Variants in MED13L observed in about 807,000 individuals in gnomAD.
MED13L encodes mediator of RNA polymerase II transcription subunit 13-like.
A neutral mutation model predicts 220.9 loss-of-function variants in MED13L; 7 were observed. The ratio of observed to expected loss-of-function variants is 0.03; its 90% CI spans 0.02 to 0.06. The LOEUF (loss-of-function observed/expected upper bound fraction) is 0.06, where lower values mean the gene tolerates loss of function less well. Ranked by LOEUF, MED13L falls within the 10% of genes least tolerant of loss-of-function variation. The pLI is 1.00. For synonymous variants in MED13L, 1,011 were observed against 1,015.2 expected (o/e 1.00, Z 0.08); for missense variants, 1,965 against 2,760.5 (o/e 0.71, Z 6.46).
At chr12:116,276,735 G>A (rs988716249) in intron 1 of MED13L, 2 of 1,269,570 alleles carry the variant, frequency 1.6e-6, no homozygotes, top group African/African-American at 3.1e-5. Context: ...GGGGGAAAGG[G>A]GAGGAGAAGG....
chr12:116,138,191 A>G (rs1293629576), intron 2 of MED13L, among the ~76,000 whole-genome samples: 2 of 152,216 alleles, frequency 1.3e-5, no homozygotes, highest in Non-Finnish European at 2.9e-5. Context: ...TTTCAATTCT[A>G]TATTTGTTAA....
chr12:116,009,858 T>C (rs1879284937), intron 9 of MED13L, among the ~76,000 whole-genome samples: 2 of 152,110 alleles, frequency 1.3e-5, no homozygotes, highest in African/African-American at 4.8e-5. Context: ...GTGTGAAAAA[T>C]GGCTCAGTAA....
intron 2 of MED13L, among the ~76,000 whole-genome samples, chr12:116,122,019 C>T (rs1875145099): frequency 6.6e-6 from 1 of 152,118 alleles, no homozygotes; most frequent in Admixed American, 6.6e-5. Context: ...GATAGCATAG[C>T]TCTGAATCCA....
chr12:116,170,597 C>CTT (rs925140792), intron 2 of MED13L, among the ~76,000 whole-genome samples: 1 of 136,982 alleles, frequency 7.3e-6, no homozygotes, highest in African/African-American at 2.7e-5. Context: ...ATCATTTTTA[C>CTT]TTTTTTTTTT....
chr12:116,207,670 G>C (rs1882433180), intron 2 of MED13L, among the ~76,000 whole-genome samples: 1 of 151,786 alleles, frequency 6.6e-6, no homozygotes, highest in Admixed American at 6.6e-5. Flanking sequence ...TTGGGCATGG[G>C]AAAAAGAAGA....
chr12:116,084,992 T>C (rs1464014321), intron 4 of MED13L, among the ~76,000 whole-genome samples: 3 of 152,214 alleles, frequency 2.0e-5, no homozygotes, highest in Admixed American at 6.5e-5. Context: ...TATACTGCGA[T>C]GTCCGTTTAT....
chr12:116,097,174 G>C (rs1430845851), intron 3 of MED13L, among the ~76,000 whole-genome samples: 1 of 151,252 alleles, frequency 6.6e-6, no homozygotes, highest in African/African-American at 2.4e-5. Flanking sequence ...TTTTGAGACA[G>C]AGTCTCTGTT....
intron 1 of MED13L, among the ~76,000 whole-genome samples, chr12:116,247,027 G>A (rs867558559): frequency 6.6e-6 from 1 of 152,112 alleles, no homozygotes; most frequent in Non-Finnish European, 1.5e-5. Flanking sequence ...CTCTTCGATA[G>A]TGGAAGATAT....
At chr12:116,159,703 T>G (rs1170571037) in intron 2 of MED13L, among the ~76,000 whole-genome samples, 1 of 152,210 alleles carries the variant, frequency 6.6e-6, no homozygotes, top group Non-Finnish European at 1.5e-5. Context: ...TATATTTAAA[T>G]GTATGGAATT....
Position 116,067,024 on chromosome 12 carries a change from T to C in MED13L, c.479+29645A>G, listed in dbSNP as rs139663524. Among the ~76,000 whole-genome samples, 7 of 152,222 alleles carry C rather than the reference T, an allele frequency of 4.6e-5. No homozygotes were observed. In the East Asian group the frequency reaches 1.2e-3, roughly 25 times the overall value. On this transcript the variant is annotated intron_variant, in intron 4 of 30. Coordinates refer to ENST00000281928, the MANE Select transcript of MED13L (RefSeq NM_015335.5). ...GAAGGTGATGAGAAAATGATGAATGTTTCTGCGAGTGGAAATAATTGTGGA... is the reference window on the plus strand; with the variant it reads ...GAAGGTGATGAGAAAATGATGAATGCTTCTGCGAGTGGAAATAATTGTGGA...
intron 2 of MED13L, among the ~76,000 whole-genome samples, chr12:116,150,513 C>T (rs867812005): frequency 5.9e-5 from 9 of 152,214 alleles, no homozygotes; most frequent in Middle Eastern, 3.4e-3. Context: ...CTCCTACAAC[C>T]GGGTCTGAGC....
chr12:116,035,296 C>G (rs994021959), intron 4 of MED13L, among the ~76,000 whole-genome samples: 12 of 151,990 alleles, frequency 7.9e-5, no homozygotes, highest in African/African-American at 2.9e-4. Context: ...TGGTAGGACA[C>G]GTCAGCCAAA....
chr12:116,273,193 A>G (rs919281048), intron 1 of MED13L, among the ~76,000 whole-genome samples: 4 of 152,134 alleles, frequency 2.6e-5, no homozygotes, highest in Admixed American at 6.5e-5. Flanking sequence ...AATCCCAGGT[A>G]TTCCGGAGGC....
At chr12:116,002,446 TC>T (rs1170988424) in intron 14 of MED13L, among the ~76,000 whole-genome samples, 1 of 152,190 alleles carries the variant, frequency 6.6e-6, no homozygotes, top group African/African-American at 2.4e-5. Context: ...CCCTTTTTTT[TC>T]CTCTTGTAGA....
At position 116,007,634 on chromosome 12, in the gene MED13L, A is replaced by G. The variant is rs763788143; in HGVS notation, c.2015T>C (p.Leu672Pro). ...AAACCGTTTGTTAGGTTGTGCTAAG[A>G]GTCTAAAAGACAAAAAAAAAAAAAA... is the stretch of plus-strand genomic sequence containing the variant. ...VNSESTALQR[L>P]LAQPNKRFKI... is the part of the protein sequence containing the mutation. Residue 672 changes from leucine (L) to proline (P), a missense_variant and splice_region_variant, in exon 11 of 31, where the codon CTC becomes CCC. This residue lies in a region of MED13L where 818 missense variants were observed against 1,041.2 expected (regional missense o/e 0.79). Coordinates refer to ENST00000281928, the MANE Select transcript of MED13L (RefSeq NM_015335.5). 3.2e-6 allele frequency: 4 copies of G among 1,266,686 alleles called. No homozygotes were observed. The African/African-American group carries it at 6.3e-5, about 20-fold the overall frequency. The allele number at this position is 1,266,686 out of a possible 1,614,324, so 78.5% of individuals were successfully genotyped here. A position where few individuals can be genotyped will look rare whatever the true frequency, so the allele number is the denominator to read the frequency against.
intron 23 of MED13L, among the ~76,000 whole-genome samples, chr12:115,978,320 T>C (rs1422445954): frequency 1.3e-5 from 2 of 150,662 alleles, no homozygotes; most frequent in Non-Finnish European, 3.0e-5. Context: ...CTGTACAATT[T>C]TTTTTCTTTT....
At chr12:116,169,794 A>G in intron 2 of MED13L, among the ~76,000 whole-genome samples, 1 of 152,168 alleles carries the variant, frequency 6.6e-6, no homozygotes, top group Non-Finnish European at 1.5e-5. Flanking sequence ...GGATCACTTA[A>G]AGGCCAGAAG....
At chr12:116,241,011 T>C (rs1410503036) in intron 1 of MED13L, among the ~76,000 whole-genome samples, 1 of 151,462 alleles carries the variant, frequency 6.6e-6, no homozygotes, top group Non-Finnish European at 1.5e-5. Flanking sequence ...AAGAAGGTAA[T>C]AAAAACACAC....
At chr12:116,265,780 TA>T (rs1307904851) in intron 1 of MED13L, among the ~76,000 whole-genome samples, 1 of 152,202 alleles carries the variant, frequency 6.6e-6, no homozygotes, top group African/African-American at 2.4e-5. Context: ...ACCAGGACCA[TA>T]AATTAGAAGT....
Sources: gnomAD v4.1 joint callset for allele counts (sites outside exome capture counted in the v4.1 genomes callset) on GRCh38, gnomAD v4.1.1 for gene constraint, gnomAD v4.1.1 regional missense constraint, MANE v1.5 for transcripts, NCBI Gene and HGNC (gene_info 2026-07-23, HGNC 2026-07-21) for gene names.